KCNJ3: variants seen among roughly 807,000 people sequenced by gnomAD.
KCNJ3 encodes potassium inwardly rectifying channel subfamily J member 3, also known as G protein-activated inward rectifier potassium channel 1.
In KCNJ3, 4 loss-of-function variants were observed where a neutral mutation model predicts 39.2. The ratio of observed to expected loss-of-function variants is 0.10; its 90% CI spans 0.05 to 0.23. The LOEUF is 0.23. Among genes scored for constraint, KCNJ3 ranks in the 10% least tolerant of loss-of-function variants. The pLI is 1.00. For synonymous variants in KCNJ3, 230 were observed against 237.4 expected (o/e 0.97, Z 0.29); for missense variants, 276 against 634.9 (o/e 0.43, Z 6.08).
chr2:154,743,698 T>G (rs1016568034), intron 2 of KCNJ3, among the ~76,000 whole-genome samples: 2 of 151,696 alleles, frequency 1.3e-5, no homozygotes, highest in Non-Finnish European at 1.5e-5. Flanking sequence ...CTTGCTGATC[T>G]TACATATTGT....
chr2:154,753,421 C>T (rs1049444358), intron 2 of KCNJ3, among the ~76,000 whole-genome samples: 4 of 152,008 alleles, frequency 2.6e-5, no homozygotes, highest in Admixed American at 6.6e-5. Flanking sequence ...CCTTTATGCA[C>T]GTTCAAGATT....
intron 2 of KCNJ3, among the ~76,000 whole-genome samples, chr2:154,716,429 AT>A (rs1335708004): frequency 6.6e-6 from 1 of 150,646 alleles, no homozygotes; most frequent in Non-Finnish European, 1.5e-5. Context: ...CTAGCCCATT[AT>A]TTTTTTTCTT....
intron 2 of KCNJ3, among the ~76,000 whole-genome samples, chr2:154,767,047 T>A (rs1686147386): frequency 6.6e-6 from 1 of 152,162 alleles, no homozygotes; most frequent in Non-Finnish European, 1.5e-5. Flanking sequence ...CTGTCACTTT[T>A]AATTCAACTA....
intron 2 of KCNJ3, among the ~76,000 whole-genome samples, chr2:154,808,169 C>G (rs1161377413): frequency 2.0e-5 from 3 of 151,616 alleles, no homozygotes; most frequent in Non-Finnish European, 4.4e-5. Flanking sequence ...CAACCTCTGC[C>G]TCCCAGGTTC....
At chr2:154,833,583 C>T (rs997701366) in intron 2 of KCNJ3, among the ~76,000 whole-genome samples, 2 of 152,126 alleles carry the variant, frequency 1.3e-5, no homozygotes, top group African/African-American at 4.8e-5. Context: ...AAGGTTCATG[C>T]TTTGTGTTAT....
At chr2:154,846,881 A>T (rs551741139) in intron 2 of KCNJ3, among the ~76,000 whole-genome samples, 3 of 152,316 alleles carry the variant, frequency 2.0e-5, no homozygotes, top group Non-Finnish European at 4.4e-5. Flanking sequence ...TGACAAATAC[A>T]ACTGGGCTTT....
chr2:154,726,733 G>A (rs1685363007), intron 2 of KCNJ3, among the ~76,000 whole-genome samples: 1 of 150,374 alleles, frequency 6.7e-6, no homozygotes, highest in Admixed American at 6.6e-5. Flanking sequence ...ATCAATCAAA[G>A]AGTGGATAAA....
intron 2 of KCNJ3, among the ~76,000 whole-genome samples, chr2:154,776,733 A>C (rs1266602107): frequency 6.6e-6 from 1 of 152,148 alleles, no homozygotes; most frequent in Non-Finnish European, 1.5e-5. Flanking sequence ...CTGCAATCTC[A>C]GTTGAAAAAA....
At chr2:154,707,339 G>C (rs1424422932) in intron 1 of KCNJ3, among the ~76,000 whole-genome samples, 3 of 152,032 alleles carry the variant, frequency 2.0e-5, no homozygotes, top group Non-Finnish European at 4.4e-5. Context: ...CAATGGAACA[G>C]ATATATGCAT....
intron 2 of KCNJ3, among the ~76,000 whole-genome samples, chr2:154,784,617 G>A (rs575218715): frequency 3.3e-5 from 5 of 152,180 alleles, no homozygotes; most frequent in East Asian, 1.9e-4. Flanking sequence ...TCCTGATCTC[G>A]TGATCTACCC....
chr2:154,755,936 C>T (rs116003675), intron 2 of KCNJ3, among the ~76,000 whole-genome samples: 3,529 of 152,042 alleles, frequency 0.023, 143 homozygotes, highest in African/African-American at 0.079. Context: ...AAAACTGTCT[C>T]GAAGATGTTA....
At chr2:154,728,165 A>T (rs1685391369) in intron 2 of KCNJ3, among the ~76,000 whole-genome samples, 1 of 152,014 alleles carries the variant, frequency 6.6e-6, no homozygotes, top group South Asian at 2.1e-4. Flanking sequence ...ATCATATTGC[A>T]TATGTATTAG....
chr2:154,732,869 A>G (rs1336830891), intron 2 of KCNJ3, among the ~76,000 whole-genome samples: 2 of 152,196 alleles, frequency 1.3e-5, no homozygotes, highest in Non-Finnish European at 2.9e-5. Flanking sequence ...CAAGGATGGA[A>G]AGTACAAAAG....
intron 2 of KCNJ3, among the ~76,000 whole-genome samples, chr2:154,753,695 G>T (rs1383281679): frequency 3.2e-5 from 4 of 125,256 alleles, no homozygotes; most frequent in African/African-American, 1.1e-4. Context: ...AGAAGGTAAT[G>T]CAGGTGTTGG....
At chr2:154,794,126 T>C (rs1264873819) in intron 2 of KCNJ3, among the ~76,000 whole-genome samples, 1 of 151,956 alleles carries the variant, frequency 6.6e-6, no homozygotes, top group Non-Finnish European at 1.5e-5. Flanking sequence ...ATATATTCTA[T>C]AATTTTATGT....
At chr2:154,844,165 C>A (rs981117328) in intron 2 of KCNJ3, among the ~76,000 whole-genome samples, 1 of 152,172 alleles carries the variant, frequency 6.6e-6, no homozygotes. Context: ...GATGCTATTC[C>A]TTTCTGTTTG....
intron 2 of KCNJ3, among the ~76,000 whole-genome samples, chr2:154,752,851 A>T (rs1460129709): frequency 6.6e-6 from 1 of 152,070 alleles, no homozygotes; most frequent in Admixed American, 6.6e-5. Context: ...CTTGATGCAG[A>T]TTAAAATTTC....
intron 2 of KCNJ3, among the ~76,000 whole-genome samples, chr2:154,724,158 A>G (rs2105161895): frequency 6.6e-6 from 1 of 152,244 alleles, no homozygotes; most frequent in East Asian, 1.9e-4. Context: ...GTGAAGATAA[A>G]ATGGTGAATG....
chr2:154,765,596 T>A (rs1256319970), intron 2 of KCNJ3, among the ~76,000 whole-genome samples: 1 of 152,188 alleles, frequency 6.6e-6, no homozygotes, highest in Non-Finnish European at 1.5e-5. Flanking sequence ...CTAGTATTTT[T>A]GAAACTAGCG....
Sources: gnomAD v4.1 joint callset for allele counts (sites outside exome capture counted in the v4.1 genomes callset) on GRCh38, gnomAD v4.1.1 for gene constraint, MANE v1.5 for transcripts, NCBI Gene and HGNC (gene_info 2026-07-23, HGNC 2026-07-21) for gene names.